The following VIPAS39 variants were observed in gnomAD, a reference collection of about 807,000 sequenced individuals.
VIPAS39 encodes spermatogenesis-defective protein 39 homolog.
VIPAS39 carries 63 observed loss-of-function variants against 84.7 expected under a neutral mutation model. That is an observed-to-expected ratio of 0.74 (90% CI 0.61 to 0.92). The LOEUF (loss-of-function observed/expected upper bound fraction) is 0.92. Ranked by LOEUF, VIPAS39 falls within the 40% of genes least tolerant of loss-of-function variation. The pLI is 0.00. For synonymous variants in VIPAS39, 192 were observed against 216.5 expected (o/e 0.89, Z 0.99); for missense variants, 499 against 604.5 (o/e 0.83, Z 1.83).
chr14:77,449,810 G>A (rs2078853866), intron 4 of VIPAS39, 58 bp from the exon 5 acceptor site: 22 of 1,602,620 alleles, frequency 1.4e-5, no homozygotes, highest in South Asian at 4.4e-5. Context: ...AGCCATCCAG[G>A]CTTGGTTAAA....
intron 7 of VIPAS39, among the ~76,000 whole-genome samples, chr14:77,447,389 C>T (rs1373074611): frequency 6.6e-6 from 1 of 151,686 alleles, no homozygotes; most frequent in Non-Finnish European, 1.5e-5. Context: ...TGTTGCCCAG[C>T]CTAGTCTTGA....
chr14:77,439,185 T>C (rs1360907772), intron 11 of VIPAS39, among the ~76,000 whole-genome samples: 4 of 152,160 alleles, frequency 2.6e-5, no homozygotes, highest in East Asian at 1.9e-4. Flanking sequence ...AAAATCTATA[T>C]ACAACAACAT....
intron 11 of VIPAS39, among the ~76,000 whole-genome samples, chr14:77,440,840 T>G (rs756392952): frequency 7.9e-5 from 12 of 151,992 alleles, no homozygotes; most frequent in Non-Finnish European, 1.8e-4. Context: ...TGCCTCAGCC[T>G]CCCAAGTAGC....
At chr14:77,443,621 G>A (rs1033570884) in intron 8 of VIPAS39, among the ~76,000 whole-genome samples, 4 of 152,190 alleles carry the variant, frequency 2.6e-5, no homozygotes, top group Non-Finnish European at 2.9e-5. Flanking sequence ...AAGGCCAAGC[G>A]TGGTAGCTCA....
chr14:77,451,345 T>TA lies in VIPAS39; in HGVS notation c.197-13dup. On this transcript the variant is annotated splice_polypyrimidine_tract_variant and intron_variant, in intron 3 of 19. Coordinates refer to ENST00000557658, the MANE Select transcript of VIPAS39 (RefSeq NM_001193315.2). ...GGACCATGAGATACCTGTGAGATAG[T>TA]AAGAACTACATCAGCAATTCTCATC... is the stretch of plus-strand genomic sequence containing the variant. 1 of 1,614,174 alleles carries TA rather than the reference T, an allele frequency of 6.2e-7. No homozygotes were observed. Among genetic ancestry groups the TA allele is most frequent in the Admixed American group, 1.7e-5 (1 of 60,018 alleles).
At chr14:77,436,678 C>T (rs1301073817) in intron 12 of VIPAS39, among the ~76,000 whole-genome samples, 3 of 152,080 alleles carry the variant, frequency 2.0e-5, no homozygotes, top group African/African-American at 7.2e-5. Context: ...CTCCTAACCT[C>T]GTGATCCACC....
intron 12 of VIPAS39, 59 bp downstream of exon 12, chr14:77,437,749 T>G: frequency 6.4e-7 from 1 of 1,559,292 alleles, no homozygotes; most frequent in South Asian, 1.1e-5. Context: ...TTTTTAATTT[T>G]CTTCATTCCT....
chr14:77,429,037 G>A lies in VIPAS39; in HGVS notation c.1325C>T (p.Thr442Ile), dbSNP rs747235143. The change falls in exon 18 of 20, where the codon ACT becomes ATT. Residue 442 changes from threonine to isoleucine, a missense_variant. By Grantham distance (89) the Thr-to-Ile change is moderately conservative. Transcript: ENST00000557658. ...EDVDTKLNLA[T>I]KFKCHDVVID... ...GACGACATCATGGCACTTGAACTTAGTGGCTAAGTTCAACTTCGTGTCCAC... is the reference window on the plus strand; with the variant it reads ...GACGACATCATGGCACTTGAACTTAATGGCTAAGTTCAACTTCGTGTCCAC... The A allele has an allele frequency of 6.2e-7, 1 of 1,614,020 alleles. No individual in the cohort carries two copies. The highest frequency in any genetic ancestry group is 1.1e-5 in the South Asian group (1 of 91,078).
rs935086429 is a variant in VIPAS39 at position 77,451,396 on chromosome 14, T to C, written c.197-63A>G. The C allele has an allele frequency of 1.3e-5, 21 of 1,612,622 alleles. No homozygotes were observed. The African/African-American group carries it at 2.4e-4, about 18-fold the overall frequency. ...CACAATAAAGCCTTGACATCCAACA[T>C]TCAATAAACTCTAAAAGCTTTTCAC... On this transcript the variant is annotated intron_variant, in intron 3 of 19. Coordinates refer to ENST00000557658, the MANE Select transcript of VIPAS39 (RefSeq NM_001193315.2).
At chr14:77,434,035 A>C in intron 15 of VIPAS39, 104 bp from the exon 16 acceptor site, 1 of 1,374,646 alleles carries the variant, frequency 7.3e-7, no homozygotes, top group Non-Finnish European at 1.0e-6. Flanking sequence ...CCTGATATTG[A>C]CTCTGCCCCT....
At chr14:77,454,172 T>A in intron 1 of VIPAS39, 70 bp from the exon 2 acceptor site, 1 of 1,396,222 alleles carries the variant, frequency 7.2e-7, no homozygotes, top group Non-Finnish European at 1.0e-6. Context: ...AAGCTTTAGT[T>A]TCCTGCACCA....
intron 16 of VIPAS39, among the ~76,000 whole-genome samples, chr14:77,433,623 TTAA>T (rs2078558926): frequency 6.6e-6 from 1 of 152,244 alleles, no homozygotes; most frequent in South Asian, 2.1e-4. Flanking sequence ...GGCAAAATTG[TTAA>T]TAAATTAGTG....
At chr14:77,428,620 G>A in intron 18 of VIPAS39, 146 bp from the exon 19 acceptor site, 1 of 728,086 alleles carries the variant, frequency 1.4e-6, no homozygotes, top group Non-Finnish European at 2.4e-6. Context: ...GTGCTACTGT[G>A]TACACATGAG....
chr14:77,431,364 A>C (rs983148859), intron 16 of VIPAS39, among the ~76,000 whole-genome samples: 1 of 152,256 alleles, frequency 6.6e-6, no homozygotes, highest in South Asian at 2.1e-4. Context: ...AATGGGCAAA[A>C]GACTTGAATG....
chr14:77,448,591 A>T, intron 6 of VIPAS39, 41 bp from the exon 7 acceptor site: 2 of 1,601,900 alleles, frequency 1.2e-6, no homozygotes, highest in Non-Finnish European at 8.6e-7. Context: ...AAGTTAAGGA[A>T]TCAAATTTAT....
chr14:77,428,949 C>A, intron 18 of VIPAS39, 57 bp downstream of exon 18: 1 of 1,465,366 alleles, frequency 6.8e-7, no homozygotes, highest in Non-Finnish European at 9.6e-7. Context: ...ATTATAATCC[C>A]CACCCTGCTT....
chr14:77,449,931 A>C (rs1159910093), intron 4 of VIPAS39, among the ~76,000 whole-genome samples, 179 bp from the exon 5 acceptor site: 1 of 152,182 alleles, frequency 6.6e-6, no homozygotes, highest in Non-Finnish European at 1.5e-5. Context: ...GCAGGGAGAA[A>C]ATTTTTTTTA....
chr14:77,444,270 A>G lies in VIPAS39; in HGVS notation c.576T>C (p.His192=). 6.2e-7 allele frequency: 1 copy of G among 1,613,818 alleles called. No individual in the cohort carries two copies. Among genetic ancestry groups the G allele is most frequent in the Non-Finnish European group, 8.5e-7 (1 of 1,179,738 alleles). Residue 192 remains histidine (H), a synonymous_variant, in exon 8 of 20, where the codon CAT becomes CAC. Transcript: ENST00000557658. ...LQLLEEAVSM[H]DGNVITAVLI... is the part of the protein sequence containing the mutation. ...TCACTGCAGTAATGACGTTTCCATC[A>G]TGCATGCTTACTGCCTCTTCTAGGA...
In VIPAS39 at chr14:77,449,940, T is replaced by A. The variant is rs889125372; in HGVS notation, c.344-188A>T. On this transcript the variant is annotated intron_variant, in intron 4 of 19. Transcript: ENST00000557658. Reference sequence around the variant, plus strand: ...AATGGAGCAGGGAGAAAATTTTTTTTAATTATGGTAAAATATACATAACAA... The same window carrying A: ...AATGGAGCAGGGAGAAAATTTTTTTAAATTATGGTAAAATATACATAACAA... Among the ~76,000 whole-genome samples, 5 of 152,252 alleles carry A rather than the reference T, an allele frequency of 3.3e-5. No homozygotes were observed. The East Asian group carries it at 7.7e-4, about 23-fold the overall frequency.
Sources: allele counts gnomAD v4.1 joint callset (sites outside exome capture counted in the v4.1 genomes callset), GRCh38; gene constraint gnomAD v4.1.1; transcripts MANE v1.5; gene names NCBI Gene and HGNC (gene_info 2026-07-23, HGNC 2026-07-21).